ADCY8: variants seen among roughly 807,000 people sequenced by gnomAD.
ADCY8 encodes the protein adenylate cyclase type 8.
A neutral mutation model predicts 119.7 loss-of-function variants in ADCY8; 51 were observed. That is an observed-to-expected ratio of 0.43 (90% CI 0.34 to 0.54). ADCY8 has a LOEUF of 0.54. Among genes scored for constraint, ADCY8 ranks in the 20% least tolerant of loss-of-function variants. ADCY8 has a pLI of 0.03. For missense variants in ADCY8, 1,383 were observed against 1,598.8 expected (o/e 0.87, Z 2.30); for synonymous variants, 665 against 651.0 (o/e 1.02, Z -0.33).
chr8:130,989,287 A>G (rs35123544), intron 2 of ADCY8, among the ~76,000 whole-genome samples: 29,921 of 152,070 alleles, frequency 0.2, 5,672 homozygotes, highest in African/African-American at 0.5. Flanking sequence ...CCTGTCAGGT[A>G]GGCCCTACCT....
chr8:130,955,759 A>G (rs1376950926), intron 2 of ADCY8, among the ~76,000 whole-genome samples: 2 of 152,226 alleles, frequency 1.3e-5, no homozygotes, highest in Non-Finnish European at 2.9e-5. Flanking sequence ...GAACTCAGCT[A>G]CTTTTCAGAC....
chr8:130,952,717 C>T (rs1307677259), intron 2 of ADCY8, among the ~76,000 whole-genome samples: 1 of 152,080 alleles, frequency 6.6e-6, no homozygotes, highest in Admixed American at 6.5e-5. Context: ...GGAGCCAAGG[C>T]TGGAGGCAGA....
chr8:130,895,775 T>C (rs1212310055), intron 7 of ADCY8, among the ~76,000 whole-genome samples: 1 of 152,156 alleles, frequency 6.6e-6, no homozygotes, highest in East Asian at 1.9e-4. Context: ...CTTAATCTGA[T>C]GTTAAAATGG....
chr8:130,788,485 G>A (rs1563664437), intron 15 of ADCY8, among the ~76,000 whole-genome samples: 1 of 152,106 alleles, frequency 6.6e-6, no homozygotes, highest in South Asian at 2.1e-4. Context: ...GGGGATGGGG[G>A]TGAAGAGGGA....
At chr8:131,031,462 T>C (rs780413756) in intron 1 of ADCY8, among the ~76,000 whole-genome samples, 5 of 152,274 alleles carry the variant, frequency 3.3e-5, no homozygotes, top group South Asian at 4.1e-4. Context: ...CTTCCAGAGG[T>C]ATTCTTCCTT....
intron 3 of ADCY8, 30 bp downstream of exon 3, chr8:130,951,838 G>A (rs748545291): frequency 3.5e-5 from 56 of 1,612,596 alleles, no homozygotes; most frequent in Non-Finnish European, 4.6e-5. Context: ...GATCATGCAA[G>A]AGCCGGGGCA....
chr8:130,921,137 T>C (rs1287836593), intron 5 of ADCY8, among the ~76,000 whole-genome samples: 3 of 152,246 alleles, frequency 2.0e-5, no homozygotes, highest in African/African-American at 7.2e-5. Flanking sequence ...TAGTTATACA[T>C]GATTATTCCC....
chr8:130,977,021 T>G (rs2130715992), intron 2 of ADCY8, among the ~76,000 whole-genome samples: 1 of 152,306 alleles, frequency 6.6e-6, no homozygotes, highest in Non-Finnish European at 1.5e-5. Context: ...CTGCTTCTGC[T>G]GCATCTCAGC....
At chr8:130,821,271 C>G in intron 13 of ADCY8, 71 bp downstream of exon 13, 1 of 1,318,146 alleles carries the variant, frequency 7.6e-7, no homozygotes, top group Non-Finnish European at 1.1e-6. Flanking sequence ...CTGCAAAGAG[C>G]AGCAGAGGCC....
chr8:130,832,742 C>A (rs560072756), intron 12 of ADCY8, among the ~76,000 whole-genome samples: 1 of 152,252 alleles, frequency 6.6e-6, no homozygotes, highest in Non-Finnish European at 1.5e-5. Flanking sequence ...ACAAACTCTT[C>A]CTGAAGACCT....
chr8:130,960,096 CTT>C (rs1330675200), intron 2 of ADCY8, among the ~76,000 whole-genome samples: 1 of 152,056 alleles, frequency 6.6e-6, no homozygotes, highest in African/African-American at 2.4e-5. Flanking sequence ...GTGAAGGAAA[CTT>C]AGACCAAATT....
chr8:130,986,267 A>G lies in ADCY8; in HGVS notation c.1110+4126T>C, dbSNP rs141768907. The stretch of plus-strand genomic sequence containing the variant: ...AATGGAGGGCACAATGGGCACAGGT[A>G]TCTTTATTTTTACGCAAAGGAGTTA... On this transcript the variant is annotated intron_variant, in intron 2 of 17. Transcript: ENST00000286355. 9.2e-5 allele frequency among the ~76,000 whole-genome samples: 14 copies of G among 152,322 alleles called. No individual in the cohort carries two copies. The East Asian group carries it at 2.1e-3, about 23-fold the overall frequency.
At chr8:130,976,864 A>G (rs1464270449) in intron 2 of ADCY8, among the ~76,000 whole-genome samples, 1 of 152,196 alleles carries the variant, frequency 6.6e-6, no homozygotes, top group Non-Finnish European at 1.5e-5. Context: ...TTACAGTTAA[A>G]AATTACCTTT....
intron 2 of ADCY8, 113 bp downstream of exon 2, chr8:130,990,280 A>T: frequency 7.3e-7 from 1 of 1,369,734 alleles, no homozygotes. Flanking sequence ...TGTGACATAA[A>T]CTTTAAGAGA....
chr8:130,891,388 T>A (rs1819182305), intron 7 of ADCY8, among the ~76,000 whole-genome samples: 4 of 152,150 alleles, frequency 2.6e-5, no homozygotes, highest in African/African-American at 9.7e-5. Context: ...AAGAGAAGGC[T>A]TCTACTTTAA....
At chr8:130,781,771 C>T (rs1271543882) in intron 17 of ADCY8, among the ~76,000 whole-genome samples, 1 of 152,154 alleles carries the variant, frequency 6.6e-6, no homozygotes, top group Non-Finnish European at 1.5e-5. Context: ...GTGCCTCCTC[C>T]ACTAGGAAGC....
intron 2 of ADCY8, among the ~76,000 whole-genome samples, chr8:130,981,581 T>A (rs1390774847): frequency 6.6e-6 from 1 of 152,072 alleles, no homozygotes; most frequent in African/African-American, 2.4e-5. Context: ...CCAGGCTGGA[T>A]CAAAGGTGTT....
intron 1 of ADCY8, among the ~76,000 whole-genome samples, chr8:131,001,015 A>G (rs1252429342): frequency 6.6e-6 from 1 of 152,058 alleles, no homozygotes; most frequent in Non-Finnish European, 1.5e-5. Context: ...GGAGCATTTC[A>G]CTGTGAACTA....
At chr8:131,007,505 C>A (rs1033838280) in intron 1 of ADCY8, among the ~76,000 whole-genome samples, 1 of 152,084 alleles carries the variant, frequency 6.6e-6, no homozygotes, top group African/African-American at 2.4e-5. Context: ...AATATTCTCT[C>A]CCCCACCAAA....
Sources: gnomAD v4.1 joint callset for allele counts (sites outside exome capture counted in the v4.1 genomes callset) on GRCh38, gnomAD v4.1.1 for gene constraint, MANE v1.5 for transcripts, NCBI Gene and HGNC (gene_info 2026-07-23, HGNC 2026-07-21) for gene names.